Variants in MDN1 observed in about 807,000 individuals in gnomAD.
MDN1 encodes the protein midasin.
A neutral mutation model predicts 669.2 loss-of-function variants in MDN1; 266 were observed. The observed-to-expected ratio is 0.40, with a 90% CI of 0.36 to 0.44. The LOEUF (loss-of-function observed/expected upper bound fraction) is 0.44. Ranked by LOEUF, MDN1 falls within the 20% of genes least tolerant of loss-of-function variation. MDN1 has a pLI of 1.00. For synonymous variants in MDN1, 2,385 were observed against 2,457.1 expected (o/e 0.97, Z 0.87); for missense variants, 5,940 against 6,754.0 (o/e 0.88, Z 4.22).
chr6:89,746,401 G>A (rs910119922), intron 27 of MDN1, among the ~76,000 whole-genome samples: 2 of 151,924 alleles, frequency 1.3e-5, no homozygotes, highest in Admixed American at 1.3e-4. Context: ...TGGCCAACAT[G>A]GGAAACACCA....
rs146466569 is a variant in MDN1, at chr6:89,730,959, A to C, written c.4943-36T>G. The C allele has an allele frequency of 4.8e-5, 76 of 1,572,100 alleles. 1 individual carries two copies. In the African/African-American group the frequency reaches 8.7e-4, roughly 18 times the overall value. ...GAGGATCAGTCCATGAAGCAACAGT[A>C]CAACACCAAGCTTCACCACCATTAA... On this transcript the variant is annotated intron_variant, in intron 34 of 101. Transcript: ENST00000369393.
rs572415548 is a variant in MDN1, at chr6:89,798,502, C to CAA, written c.330-3703_330-3702dup. On this transcript the variant is annotated intron_variant, in intron 2 of 101. Coordinates refer to ENST00000369393, the MANE Select transcript of MDN1 (RefSeq NM_014611.3). Reference sequence around the variant, plus strand: ...GGGCAACAAGAGTGAAACTCCATCTCAAAAAAAAAAAAGTGAAACAAATCT... The same window carrying CAA: ...GGGCAACAAGAGTGAAACTCCATCTCAAAAAAAAAAAAAAGTGAAACAAATCT... 9.1e-5 allele frequency among the ~76,000 whole-genome samples: 12 copies of CAA among 131,806 alleles called. 1 individual carries two copies. The South Asian group carries it at 1.9e-3, about 20-fold the overall frequency. The allele number at this position is 131,806 out of a possible 152,430, so 86.5% of individuals were successfully genotyped here. A position where few individuals can be genotyped will look rare whatever the true frequency, so the allele number is the denominator to read the frequency against.
chr6:89,714,549 C>T lies in MDN1; in HGVS notation c.7063G>A (p.Val2355Ile), dbSNP rs1814193244. The T allele has an allele frequency of 2.5e-6, 4 of 1,602,292 alleles. No homozygotes were observed. The highest frequency in any genetic ancestry group is 3.4e-6 in the Non-Finnish European group (4 of 1,174,042). Residue 2355 changes from valine (V) to isoleucine (I), a missense_variant, in exon 46 of 102, where the codon GTT becomes ATT. Around this residue, in one of 5 missense-constraint regions of MDN1, gnomAD observed 2,292 missense variants for 2,638.3 expected, o/e 0.87. Coordinates refer to ENST00000369393, the MANE Select transcript of MDN1 (RefSeq NM_014611.3). ...LALHTETRST[V>I]VGSPTSSVST... ...CAAAAGTCAAGCACCTCACCTACAACAGTGCTCCGGGTCTCTGTGTGTAAA... is the reference window on the plus strand; with the variant it reads ...CAAAAGTCAAGCACCTCACCTACAATAGTGCTCCGGGTCTCTGTGTGTAAA...
intron 49 of MDN1, among the ~76,000 whole-genome samples, chr6:89,711,632 A>C (rs1361584552): frequency 6.6e-6 from 1 of 152,212 alleles, no homozygotes; most frequent in Non-Finnish European, 1.5e-5. Flanking sequence ...GGAGCACTGG[A>C]ACTAAAATAA....
intron 42 of MDN1, 49 bp downstream of exon 42, chr6:89,718,718 C>G: frequency 6.2e-7 from 1 of 1,609,544 alleles, no homozygotes. Context: ...TCAGTCAGAC[C>G]ACGGGGTTTA....
chr6:89,708,419 T>C, intron 51 of MDN1, 77 bp downstream of exon 51: 2 of 1,544,934 alleles, frequency 1.3e-6, no homozygotes, highest in Non-Finnish European at 1.8e-6. Flanking sequence ...CATAAGCTAT[T>C]TGACAGATTC....
At chr6:89,793,242 G>A (rs1584379778) in intron 5 of MDN1, among the ~76,000 whole-genome samples, 1 of 152,194 alleles carries the variant, frequency 6.6e-6, no homozygotes, top group South Asian at 2.1e-4. Context: ...CTTTGCCACA[G>A]AGCAGTCCAA....
At chr6:89,656,944 G>C (rs1312198773) in intron 90 of MDN1, 143 bp from the exon 91 acceptor site, 1 of 676,158 alleles carries the variant, frequency 1.5e-6, no homozygotes, top group Non-Finnish European at 2.5e-6. Context: ...GCCTGCCCTG[G>C]AACTCACCGT....
chr6:89,656,089 G>A, intron 91 of MDN1, 121 bp from the exon 92 acceptor site: 3 of 813,366 alleles, frequency 3.7e-6, no homozygotes, highest in Non-Finnish European at 5.7e-6. Context: ...TACAAGAATG[G>A]AATTCAATAC....
intron 59 of MDN1, among the ~76,000 whole-genome samples, chr6:89,696,964 G>T (rs1445606139): frequency 6.6e-6 from 1 of 152,162 alleles, no homozygotes. Flanking sequence ...TGTTAGATGG[G>T]ACACAGTAAT....
chr6:89,771,697 G>T, intron 14 of MDN1, 76 bp from the exon 15 acceptor site: 1 of 1,261,404 alleles, frequency 7.9e-7, no homozygotes, highest in Non-Finnish European at 1.2e-6. Context: ...CCTTAAGGCT[G>T]TGGGAATATG....
At chr6:89,807,969 A>G (rs943285891) in intron 1 of MDN1, among the ~76,000 whole-genome samples, 1 of 152,012 alleles carries the variant, frequency 6.6e-6, no homozygotes, top group African/African-American at 2.4e-5. Flanking sequence ...GTCCCTGCAC[A>G]TATAATTACT....
chr6:89,663,901 C>T (rs1809992128), intron 85 of MDN1, among the ~76,000 whole-genome samples: 1 of 150,300 alleles, frequency 6.7e-6, no homozygotes, highest in Admixed American at 6.6e-5. Flanking sequence ...GAGATTGCAC[C>T]ACTGTACTCT....
chr6:89,771,036 TAAGATGAGCA>T, intron 15 of MDN1, among the ~76,000 whole-genome samples: 1 of 152,228 alleles, frequency 6.6e-6, no homozygotes, highest in South Asian at 2.1e-4. Context: ...TTAGAGAGAC[TAAGATGAGCA>T]ATGTCCCACC....
chr6:89,803,143 A>G (rs894928823), intron 2 of MDN1, among the ~76,000 whole-genome samples, 185 bp downstream of exon 2: 1 of 152,204 alleles, frequency 6.6e-6, no homozygotes, highest in East Asian at 1.9e-4. Context: ...GAAACCTAGT[A>G]AATGCTCACT....
chr6:89,776,536 C>A (rs1438150608), intron 12 of MDN1, 64 bp downstream of exon 12: 1 of 1,255,816 alleles, frequency 8.0e-7, no homozygotes, highest in African/African-American at 1.5e-5. Context: ...TAGAGACCAG[C>A]AAGCAAGCAA....
intron 23 of MDN1, among the ~76,000 whole-genome samples, 198 bp downstream of exon 23, chr6:89,751,233 G>A (rs957028556): frequency 6.6e-5 from 10 of 152,128 alleles, no homozygotes; most frequent in African/African-American, 2.2e-4. Flanking sequence ...TGCATCCATA[G>A]TGCTCCCTCC....
chr6:89,665,347 A>C (rs956684512), intron 84 of MDN1, among the ~76,000 whole-genome samples: 2 of 152,072 alleles, frequency 1.3e-5, no homozygotes, highest in African/African-American at 4.8e-5. Flanking sequence ...GTTTCTATAT[A>C]ATTGATGTGC....
rs931589364 is a variant in MDN1 at position 89,646,483 on chromosome 6, G to A, written c.16459+57C>T. On this transcript the variant is annotated intron_variant, in intron 100 of 101. Coordinates refer to ENST00000369393, the MANE Select transcript of MDN1 (RefSeq NM_014611.3). Reference sequence around the variant, plus strand: ...GACACTGAGCTGAAGCAAGCAGCTTGGGAATATAGAGTACAAGAAAGCATT... The same window carrying A: ...GACACTGAGCTGAAGCAAGCAGCTTAGGAATATAGAGTACAAGAAAGCATT... 3 of 1,449,222 alleles carry A rather than the reference G, an allele frequency of 2.1e-6. No homozygotes were observed. The African/African-American group carries it at 4.2e-5, about 20-fold the overall frequency. 89.8% of individuals were successfully genotyped at this position (1,449,222 alleles called of 1,614,324 possible). A position where few individuals can be genotyped will look rare whatever the true frequency, so the allele number is the denominator to read the frequency against.
Sources: allele counts gnomAD v4.1 joint callset (sites outside exome capture counted in the v4.1 genomes callset), GRCh38; gene constraint gnomAD v4.1.1; regional missense constraint gnomAD v4.1.1; transcripts MANE v1.5; gene names NCBI Gene and HGNC (gene_info 2026-07-23, HGNC 2026-07-21).